Variants in AP1B1 observed in about 807,000 individuals in gnomAD.
AP1B1 encodes the protein adaptor related protein complex 1 subunit beta 1.
Under a neutral mutation model 104.3 loss-of-function variants are expected in AP1B1, and 36 were observed. That is an observed-to-expected ratio of 0.35 (90% CI 0.26 to 0.46). The LOEUF is 0.46. Among genes scored for constraint, AP1B1 ranks in the 20% least tolerant of loss-of-function variants. AP1B1 has a pLI of 1.00. For missense variants in AP1B1, 901 were observed against 1,247.9 expected, an observed-to-expected ratio of 0.72 and a Z score of 4.19; for synonymous variants, 504 against 517.5, an observed-to-expected ratio of 0.97 and a Z score of 0.35.
chr22:29,373,010 T>C (rs2148035235), intron 1 of AP1B1, among the ~76,000 whole-genome samples: 2 of 152,250 alleles, frequency 1.3e-5, no homozygotes, highest in African/African-American at 4.8e-5. Context: ...TCAAGCCGGG[T>C]GTTGTGGGTC....
chr22:29,333,482 T>C (rs2061591963), intron 17 of AP1B1, among the ~76,000 whole-genome samples: 1 of 152,158 alleles, frequency 6.6e-6, no homozygotes, highest in Non-Finnish European at 1.5e-5. Context: ...ATGTGGGGTG[T>C]TTGCCAGAGG....
chr22:29,361,531 T>C (rs1360632015), intron 3 of AP1B1, among the ~76,000 whole-genome samples: 1 of 152,082 alleles, frequency 6.6e-6, no homozygotes, highest in African/African-American at 2.4e-5. Context: ...TTACCTACAA[T>C]ATGGGAATTG....
rs1242501263 is a variant in AP1B1, at chr22:29,328,078, G to GT, written c.*742dup. 6.5e-6 allele frequency: 1 copy of GT among 152,800 alleles called. No individual in the cohort carries two copies. Among genetic ancestry groups the GT allele is most frequent in the Non-Finnish European group, 1.5e-5 (1 of 68,190 alleles). The allele number at this position is 152,800 out of a possible 1,614,324, so 9.5% of individuals were successfully genotyped here. On this transcript the variant is annotated 3_prime_UTR_variant, in exon 23 of 23. Coordinates refer to ENST00000357586, the MANE Select transcript of AP1B1 (RefSeq NM_001127.4). This position sits in a 1 kb window ranked among gnomAD's most constrained non-coding sequence, Gnocchi z 4.1. ...GGGCTCAGAGGCGACACTGAGGAATGTATCACAGGCAGTGACCACCCTTGG... is the reference window on the plus strand; with the variant it reads ...GGGCTCAGAGGCGACACTGAGGAATGTTATCACAGGCAGTGACCACCCTTGG...
intron 8 of AP1B1, chr22:29,351,478 A>AAC: frequency 1.2e-6 from 1 of 831,912 alleles, no homozygotes; most frequent in Admixed American, 2.8e-5. Flanking sequence ...TAACATATCC[A>AAC]ACACCACGTT....
intron 22 of AP1B1, chr22:29,329,217 A>C: frequency 1.6e-6 from 2 of 1,219,362 alleles, no homozygotes; most frequent in Non-Finnish European, 2.1e-6. Context: ...CCGGCCCCCC[A>C]GAGTCCCTGA....
chr22:29,363,869 G>C (rs1046820855), intron 2 of AP1B1, among the ~76,000 whole-genome samples: 1 of 152,046 alleles, frequency 6.6e-6, no homozygotes, highest in Non-Finnish European at 1.5e-5. Context: ...CTCCAGCCTG[G>C]GGGACACAAA....
chr22:29,338,052 T>C (rs1159215784), intron 16 of AP1B1, among the ~76,000 whole-genome samples: 1 of 152,160 alleles, frequency 6.6e-6, no homozygotes, highest in African/African-American at 2.4e-5. Flanking sequence ...CCAGGAGTCT[T>C]GGGGGTGTGC....
chr22:29,351,953 A>T, intron 7 of AP1B1, 128 bp from the exon 8 acceptor site: 2 of 1,271,230 alleles, frequency 1.6e-6, no homozygotes, highest in Non-Finnish European at 2.2e-6. Flanking sequence ...AGGCAGAGTC[A>T]CTGCCATGGC....
chr22:29,329,483 T>G, intron 22 of AP1B1: 1 of 1,392,966 alleles, frequency 7.2e-7, no homozygotes, highest in Non-Finnish European at 9.3e-7. Flanking sequence ...GTTCCGCAGG[T>G]CAGCAGCAGC....
At chr22:29,364,898 G>A (rs571622804) in intron 2 of AP1B1, among the ~76,000 whole-genome samples, 1 of 151,820 alleles carries the variant, frequency 6.6e-6, no homozygotes, top group Non-Finnish European at 1.5e-5. Flanking sequence ...TAGTAGAGAC[G>A]GGGTTTCACC....
chr22:29,328,813 C>T lies in AP1B1; in HGVS notation c.*8G>A. 1 of 1,602,480 alleles carries T rather than the reference C, an allele frequency of 6.2e-7. No homozygotes were observed. The highest frequency in any genetic ancestry group is 8.5e-7 in the Non-Finnish European group (1 of 1,176,898). On this transcript the variant is annotated 3_prime_UTR_variant, in exon 23 of 23. Transcript: ENST00000357586. This position sits in a 1 kb window ranked among gnomAD's most constrained non-coding sequence, Gnocchi z 4.1. ...GGCAGAAGGCTGGGGTGGGCGCTGG[C>T]CGGGGTCTCAGTTCTTGAGGATGGT...
intron 1 of AP1B1, among the ~76,000 whole-genome samples, chr22:29,377,467 T>C (rs1303442661): frequency 6.6e-6 from 1 of 152,102 alleles, no homozygotes. Context: ...GTAGTAGTAA[T>C]GGTAAATGGA....
At chr22:29,355,655 T>C (rs1377078537) in intron 6 of AP1B1, among the ~76,000 whole-genome samples, 1 of 151,616 alleles carries the variant, frequency 6.6e-6, no homozygotes, top group Non-Finnish European at 1.5e-5. Context: ...CAAGGCTGGG[T>C]GAGGCTGAGA....
chr22:29,364,646 T>C (rs1182174104), intron 2 of AP1B1, among the ~76,000 whole-genome samples: 3 of 151,850 alleles, frequency 2.0e-5, no homozygotes, highest in Admixed American at 2.0e-4. Flanking sequence ...CTTGAACTGA[T>C]CTCGTGATCC....
intron 2 of AP1B1, among the ~76,000 whole-genome samples, chr22:29,364,957 C>T (rs2062109835): frequency 6.6e-6 from 1 of 152,174 alleles, no homozygotes; most frequent in South Asian, 2.1e-4. Flanking sequence ...GATCCACCCG[C>T]CTCAGCCTCC....
chr22:29,351,928 G>A, intron 7 of AP1B1, 103 bp from the exon 8 acceptor site: 4 of 1,443,102 alleles, frequency 2.8e-6, no homozygotes, highest in Non-Finnish European at 3.7e-6. Context: ...CTGAGGTGGA[G>A]CCTGATGTCT....
At chr22:29,342,532 C>A (rs1340374959) in intron 11 of AP1B1, 149 bp from the exon 12 acceptor site, 6 of 653,624 alleles carry the variant, frequency 9.2e-6, no homozygotes, top group African/African-American at 7.3e-5. Flanking sequence ...GGCACACAGG[C>A]AAAGGGCTGC....
intron 22 of AP1B1, 136 bp from the exon 23 acceptor site, chr22:29,329,031 C>T: frequency 6.8e-7 from 1 of 1,468,904 alleles, no homozygotes. Flanking sequence ...CTGCGCCTGG[C>T]ACAGATGTGA....
intron 1 of AP1B1, among the ~76,000 whole-genome samples, chr22:29,381,008 AT>A (rs2062428496): frequency 6.6e-6 from 1 of 151,990 alleles, no homozygotes; most frequent in Admixed American, 6.6e-5. Flanking sequence ...TCTCCCCATC[AT>A]TCCCTCAGCT....
Sources: allele counts gnomAD v4.1 joint callset (sites outside exome capture counted in the v4.1 genomes callset), GRCh38; gene constraint gnomAD v4.1.1; non-coding constraint Gnocchi (gnomAD v3.1); transcripts MANE v1.5; gene names NCBI Gene and HGNC (gene_info 2026-07-23, HGNC 2026-07-21).